The following HELZ variants were observed in gnomAD, a reference collection of about 807,000 sequenced individuals.
HELZ encodes ATP-dependent RNA helicase with zinc finger domain.
In HELZ, 23 loss-of-function variants were observed where a neutral mutation model predicts 218.2. The ratio of observed to expected loss-of-function variants is 0.11; its 90% confidence interval spans 0.08 to 0.15. The LOEUF (loss-of-function observed/expected upper bound fraction) is 0.15. Among genes scored for constraint, HELZ ranks in the 10% least tolerant of loss-of-function variants. HELZ has a pLI of 1.00. For missense variants in HELZ, 1,813 were observed against 2,353.7 expected (o/e 0.77, Z 4.75); for synonymous variants, 814 against 829.4 (o/e 0.98, Z 0.32).
intron 23 of HELZ, among the ~76,000 whole-genome samples, chr17:67,132,497 C>G (rs7211284): frequency 6.6e-6 from 1 of 152,048 alleles, no homozygotes; most frequent in Non-Finnish European, 1.5e-5. Flanking sequence ...CAATCTGACA[C>G]CTGTTTGAGT....
intron 5 of HELZ, among the ~76,000 whole-genome samples, chr17:67,206,260 C>CGAA (rs1598421356): frequency 6.6e-6 from 1 of 152,224 alleles, no homozygotes; most frequent in East Asian, 1.9e-4. Flanking sequence ...TTGTTCCTTT[C>CGAA]TGTTCACTAG....
At position 67,145,856 on chromosome 17, in the gene HELZ, T is replaced by A; in HGVS notation, c.2656A>T (p.Met886Leu). The change falls in exon 21 of 33, where the codon ATG becomes TTG. Residue 886 changes from methionine to leucine, a missense_variant. Transcript: ENST00000358691. ...TSELFYEGKL[M>L]ASGKQPAHKD... The stretch of plus-strand genomic sequence containing the variant: ...TGTGCTGGCTGCTTCCCACTGGCCA[T>A]CAGTTTGCCCTCATAGAAAAGCTCA... The A allele has an allele frequency of 6.2e-7, 1 of 1,613,576 alleles. No homozygotes were observed. Among genetic ancestry groups the A allele is most frequent in the Non-Finnish European group, 8.5e-7 (1 of 1,179,820 alleles).
At chr17:67,195,838 C>CTTTT (rs66827855) in intron 7 of HELZ, among the ~76,000 whole-genome samples, 10 of 101,534 alleles carry the variant, frequency 9.8e-5, no homozygotes, top group Non-Finnish European at 1.2e-4. Flanking sequence ...GTTTCTTTTC[C>CTTTT]TTTTTTTTTT....
At chr17:67,175,551 A>G (rs2039432400) in intron 13 of HELZ, among the ~76,000 whole-genome samples, 1 of 152,260 alleles carries the variant, frequency 6.6e-6, no homozygotes, top group Non-Finnish European at 1.5e-5. Context: ...AATCTTCACA[A>G]TCTATGTTTA....
chr17:67,235,376 G>A (rs1025806844), intron 3 of HELZ, among the ~76,000 whole-genome samples: 14 of 151,966 alleles, frequency 9.2e-5, no homozygotes, highest in Non-Finnish European at 1.5e-4. Context: ...ATGGTAGTGC[G>A]CACCTGTAAT....
In HELZ at chr17:67,108,854, G is replaced by T; in HGVS notation, c.4490-128C>A. The T allele has an allele frequency of 1.3e-6, 1 of 769,340 alleles. No homozygotes were observed. Among genetic ancestry groups the T allele is most frequent in the Non-Finnish European group, 2.0e-6 (1 of 493,570 alleles). 47.7% of individuals were successfully genotyped at this position (769,340 alleles called of 1,614,324 possible). ...GCTACAAATTTGGTTTTGGTAAGAA[G>T]TAAATGTTTTCTAAATTTGCCAGAA... On this transcript the variant is annotated intron_variant, in intron 29 of 32. Coordinates refer to ENST00000358691, the MANE Select transcript of HELZ (RefSeq NM_014877.4). This position sits in a 1 kb window ranked among gnomAD's most constrained non-coding sequence, Gnocchi z 4.1.
At chr17:67,093,836 T>C (rs2036648694) in intron 31 of HELZ, among the ~76,000 whole-genome samples, 1 of 152,226 alleles carries the variant, frequency 6.6e-6, no homozygotes, top group African/African-American at 2.4e-5. Flanking sequence ...TGCATTATTT[T>C]CATACAATTT....
chr17:67,140,316 C>T (rs1260050233), intron 21 of HELZ, among the ~76,000 whole-genome samples: 1 of 152,118 alleles, frequency 6.6e-6, no homozygotes, highest in East Asian at 1.9e-4. Context: ...TAAGTTCTGC[C>T]CAGGAGACGG....
chr17:67,216,962 C>T (rs1205819265), intron 4 of HELZ, among the ~76,000 whole-genome samples: 5 of 152,208 alleles, frequency 3.3e-5, no homozygotes, highest in Non-Finnish European at 1.5e-5. Context: ...ACTCGGCCCT[C>T]AGTCCTCGCC....
intron 21 of HELZ, among the ~76,000 whole-genome samples, chr17:67,143,133 A>G (rs1317709155): frequency 2.0e-5 from 3 of 152,128 alleles, no homozygotes; most frequent in Admixed American, 6.6e-5. Flanking sequence ...AATATAGATA[A>G]TTAATTGCAG....
At chr17:67,144,471 T>C (rs189707236) in intron 21 of HELZ, among the ~76,000 whole-genome samples, 261 of 145,612 alleles carry the variant, frequency 1.8e-3, no homozygotes, top group African/African-American at 6.3e-3. Flanking sequence ...GATCTTTTAA[T>C]ACGAACAAAT....
intron 5 of HELZ, among the ~76,000 whole-genome samples, chr17:67,204,661 T>C (rs1405899715): frequency 1.3e-5 from 2 of 152,214 alleles, no homozygotes; most frequent in African/African-American, 4.8e-5. Context: ...ATTTACTAAA[T>C]TGAAAGTTGC....
intron 5 of HELZ, among the ~76,000 whole-genome samples, chr17:67,209,319 C>T (rs370896778): frequency 1.3e-5 from 2 of 152,050 alleles, no homozygotes; most frequent in Admixed American, 6.6e-5. Context: ...TGAAGTAGGC[C>T]GGACGCGGTG....
chr17:67,113,347 C>A (rs970846755), intron 28 of HELZ, among the ~76,000 whole-genome samples: 15 of 151,962 alleles, frequency 9.9e-5, no homozygotes, highest in South Asian at 6.2e-4. Flanking sequence ...GCAAGCTCCG[C>A]CTCCTGGGTT....
At chr17:67,118,347 C>T (rs2037490713) in intron 27 of HELZ, among the ~76,000 whole-genome samples, 1 of 152,044 alleles carries the variant, frequency 6.6e-6, no homozygotes, top group South Asian at 2.1e-4. Flanking sequence ...AGTCCTTACC[C>T]TTACACTATA....
chr17:67,185,383 T>C (rs2039726717), intron 12 of HELZ, among the ~76,000 whole-genome samples: 1 of 152,208 alleles, frequency 6.6e-6, no homozygotes, highest in South Asian at 2.1e-4. Flanking sequence ...CTGCTTTTAT[T>C]TCTTTACAAT....
intron 12 of HELZ, among the ~76,000 whole-genome samples, chr17:67,185,386 T>C (rs1407764490): frequency 2.6e-5 from 4 of 152,330 alleles, no homozygotes; most frequent in African/African-American, 9.6e-5. Context: ...CTTTTATTTC[T>C]TTACAATTCT....
chr17:67,245,095 C>T, intron 1 of HELZ, 53 bp downstream of exon 1: 1 of 984,888 alleles, frequency 1.0e-6, no homozygotes, highest in South Asian at 4.7e-5. Context: ...CGGAGAGCTC[C>T]GGGAGCTCGC....
intron 27 of HELZ, among the ~76,000 whole-genome samples, chr17:67,116,203 G>C (rs1311685853): frequency 4.0e-5 from 6 of 151,082 alleles, no homozygotes; most frequent in Non-Finnish European, 3.0e-5. Flanking sequence ...AGACAAAAAG[G>C]AGTCATTAAA....
Sources: gnomAD v4.1 joint callset for allele counts (sites outside exome capture counted in the v4.1 genomes callset) on GRCh38, gnomAD v4.1.1 for gene constraint, Gnocchi (gnomAD v3.1) non-coding constraint, MANE v1.5 for transcripts, NCBI Gene and HGNC (gene_info 2026-07-23, HGNC 2026-07-21) for gene names.